The following DLG2 variants were observed in gnomAD, a reference collection of about 807,000 sequenced individuals.
The protein encoded by DLG2 is discs large MAGUK scaffold protein 2, also known as disks large homolog 2.
Under a neutral mutation model 132.5 loss-of-function variants are expected in DLG2, and 45 were observed. That is an observed-to-expected ratio of 0.34 (90% confidence interval 0.27 to 0.44). The LOEUF (loss-of-function observed/expected upper bound fraction) is 0.44. Among genes scored for constraint, DLG2 ranks in the 20% least tolerant of loss-of-function variants. The pLI, the probability that DLG2 is intolerant of heterozygous loss-of-function variation, is 1.00. For synonymous variants in DLG2, 424 were observed against 419.6 expected (o/e 1.01, Z -0.13); for missense variants, 1,045 against 1,196.9 (o/e 0.87, Z 1.87).
intron 11 of DLG2, among the ~76,000 whole-genome samples, chr11:83,992,306 T>C (rs2093766606): frequency 6.6e-6 from 1 of 152,032 alleles, no homozygotes; most frequent in Non-Finnish European, 1.5e-5. Flanking sequence ...ATAAAAATCA[T>C]GAAAATGCAG....
intron 18 of DLG2, among the ~76,000 whole-genome samples, chr11:83,728,627 T>C (rs1325615238): frequency 6.6e-6 from 1 of 152,248 alleles, no homozygotes; most frequent in Non-Finnish European, 1.5e-5. Context: ...ATAGCATTTC[T>C]GATGGCCTGG....
chr11:85,435,381 T>G (rs2091422680), intron 3 of DLG2, among the ~76,000 whole-genome samples: 1 of 152,214 alleles, frequency 6.6e-6, no homozygotes, highest in Admixed American at 6.5e-5. Flanking sequence ...TGTCGCTGTT[T>G]GCAGATGACA....
intron 10 of DLG2, among the ~76,000 whole-genome samples, chr11:84,074,462 A>G (rs2096796945): frequency 6.6e-6 from 1 of 151,464 alleles, no homozygotes; most frequent in African/African-American, 2.4e-5. Context: ...CTACCCAAAC[A>G]TGTTGGCTCA....
chr11:85,510,286 A>G (rs892256944), intron 3 of DLG2, among the ~76,000 whole-genome samples: 1 of 152,064 alleles, frequency 6.6e-6, no homozygotes, highest in East Asian at 1.9e-4. Context: ...AGGATAAGAA[A>G]TATGTCTTAA....
chr11:84,350,670 A>T (rs1391913549), intron 7 of DLG2, among the ~76,000 whole-genome samples: 4 of 152,178 alleles, frequency 2.6e-5, no homozygotes. Flanking sequence ...AATGTTTCCT[A>T]ATGTTGTTAT....
chr11:83,920,939 T>A (rs1374279361), intron 15 of DLG2, among the ~76,000 whole-genome samples: 1 of 152,132 alleles, frequency 6.6e-6, no homozygotes, highest in African/African-American at 2.4e-5. Flanking sequence ...TGACTATTGT[T>A]TAATGGGGTG....
intron 19 of DLG2, among the ~76,000 whole-genome samples, chr11:83,584,351 C>T (rs1460281855): frequency 6.6e-6 from 1 of 152,090 alleles, no homozygotes; most frequent in Non-Finnish European, 1.5e-5. Context: ...AGTTGATAGC[C>T]CAGTTCCATA....
At chr11:83,822,683 T>C (rs2051170546) in intron 17 of DLG2, among the ~76,000 whole-genome samples, 3 of 152,202 alleles carry the variant, frequency 2.0e-5, no homozygotes, top group African/African-American at 7.2e-5. Context: ...CCAGCACCCT[T>C]AGTAGGAGGA....
intron 8 of DLG2, among the ~76,000 whole-genome samples, chr11:84,174,903 C>G (rs1414866768): frequency 1.3e-5 from 2 of 152,140 alleles, no homozygotes; most frequent in African/African-American, 4.8e-5. Flanking sequence ...TTAAGTTCAT[C>G]TAATAATTGT....
intron 6 of DLG2, among the ~76,000 whole-genome samples, chr11:84,670,420 G>A (rs1385350440): frequency 2.0e-5 from 3 of 152,090 alleles, no homozygotes; most frequent in African/African-American, 7.2e-5. Flanking sequence ...AGTAACTTCA[G>A]TGATATGTTG....
At chr11:85,176,469 G>A (rs1185272474) in intron 4 of DLG2, among the ~76,000 whole-genome samples, 1 of 152,014 alleles carries the variant, frequency 6.6e-6, no homozygotes, top group Non-Finnish European at 1.5e-5. Context: ...AACTCAAGAT[G>A]GATTAATGAT....
chr11:83,905,760 G>C (rs948452277), intron 15 of DLG2, among the ~76,000 whole-genome samples: 10 of 152,160 alleles, frequency 6.6e-5, no homozygotes, highest in African/African-American at 2.4e-4. Flanking sequence ...ATCATCTTTT[G>C]ATGGGTTGTT....
chr11:83,906,996 A>T, intron 15 of DLG2, among the ~76,000 whole-genome samples: 1 of 152,182 alleles, frequency 6.6e-6, no homozygotes, highest in South Asian at 2.1e-4. Context: ...AATTGCTAAG[A>T]AGGAAGAGCC....
intron 15 of DLG2, among the ~76,000 whole-genome samples, chr11:83,920,490 A>G (rs2154120371): frequency 6.6e-6 from 1 of 152,180 alleles, no homozygotes; most frequent in East Asian, 1.9e-4. Flanking sequence ...CTCCCTTCAC[A>G]ATTCACTGGA....
At chr11:85,465,618 T>C (rs1254679054) in intron 3 of DLG2, among the ~76,000 whole-genome samples, 6 of 152,042 alleles carry the variant, frequency 3.9e-5, no homozygotes, top group African/African-American at 1.2e-4. Flanking sequence ...ATCCATGTCC[T>C]TACAAAGGAC....
At chr11:84,600,192 G>GAAAGAAAGAAAGAAAT in intron 6 of DLG2, among the ~76,000 whole-genome samples, 1 of 135,066 alleles carries the variant, frequency 7.4e-6, no homozygotes, top group African/African-American at 3.2e-5. Flanking sequence ...AAGAAAGAAA[G>GAAAGAAAGAAAGAAAT]AAAGAAAGAA....
intron 14 of DLG2, among the ~76,000 whole-genome samples, chr11:83,941,433 C>A (rs2082641029): frequency 6.6e-6 from 1 of 151,570 alleles, no homozygotes; most frequent in African/African-American, 2.4e-5. Flanking sequence ...GCTCTGTCAC[C>A]CAGGCTGGCT....
Position 83,547,710 on chromosome 11 carries a change from T to G in DLG2, c.1941-5852A>C, listed in dbSNP as rs192167020. ...GACTGCTGAAAGCTTTATTTTAGTC[T>G]GGTGAGATCTGTACCAGACCTACAG... is the stretch of plus-strand genomic sequence containing the variant. On this transcript the variant is annotated intron_variant, in intron 19 of 27. Coordinates refer to ENST00000376104, the MANE Select transcript of DLG2 (RefSeq NM_001142699.3). Among the ~76,000 whole-genome samples the G allele has an allele frequency of 3.5e-4, 54 of 152,294 alleles. 1 individual carries two copies. Among genetic ancestry groups the G allele is most frequent in the African/African-American group, 1.3e-3 (53 of 41,570 alleles).
chr11:83,478,987 G>A (rs937485674), intron 22 of DLG2, among the ~76,000 whole-genome samples: 6 of 151,934 alleles, frequency 3.9e-5, no homozygotes, highest in Non-Finnish European at 7.4e-5. Context: ...AATTATAAAA[G>A]TATAAAGAAT....
Sources: gnomAD v4.1 joint callset for allele counts (sites outside exome capture counted in the v4.1 genomes callset) on GRCh38, gnomAD v4.1.1 for gene constraint, MANE v1.5 for transcripts, NCBI Gene and HGNC (gene_info 2026-07-23, HGNC 2026-07-21) for gene names.